OR7E24: variants seen among roughly 807,000 people sequenced by gnomAD.
OR7E24 encodes olfactory receptor family 7 subfamily E member 24.
For missense variants in OR7E24, 385 were observed against 410.3 expected, an observed-to-expected ratio of 0.94 and a Z score of 0.53; for synonymous variants, 130 against 157.5, an observed-to-expected ratio of 0.83 and a Z score of 1.31.
Position 9,251,301 on chromosome 19 carries a change from G to A in OR7E24, c.258G>A (p.Leu86=). ...ACTTCTTCCTCTCCAACCTGTCCTTGGCTGACATCGGTTTCACCTCCACCA... is the reference window on the plus strand; with the variant it reads ...ACTTCTTCCTCTCCAACCTGTCCTTAGCTGACATCGGTTTCACCTCCACCA... ...PMYFFLSNLS[L]ADIGFTSTTV... Residue 86 remains leucine, a synonymous_variant, in exon 1 of 1, where the codon TTG becomes TTA. Transcript: ENST00000456448. 1 of 1,613,988 alleles carries A rather than the reference G, an allele frequency of 6.2e-7. No individual in the cohort carries two copies. Among genetic ancestry groups the A allele is most frequent in the Non-Finnish European group, 8.5e-7 (1 of 1,180,008 alleles).
the OR7E24 span, among the ~76,000 whole-genome samples, chr19:9,215,672 C>T: frequency 1.3e-5 from 2 of 152,124 alleles, no homozygotes; most frequent in Non-Finnish European, 2.9e-5. Context: ...TTTAAAAATG[C>T]CATATGCACG....
chr19:9,224,601 A>C, the OR7E24 span, among the ~76,000 whole-genome samples: 1 of 151,864 alleles, frequency 6.6e-6, no homozygotes, highest in Non-Finnish European at 1.5e-5. Flanking sequence ...ACTAAAAAAT[A>C]AAAAATACAA....
chr19:9,232,495 G>A, the OR7E24 span, among the ~76,000 whole-genome samples: 267 of 136,430 alleles, frequency 2.0e-3, 1 homozygote, highest in African/African-American at 7.3e-3. Flanking sequence ...CCAAGATCGC[G>A]CCACTGCACT....
chr19:9,236,221 G>A, the OR7E24 span: 3 of 606,020 alleles, frequency 5.0e-6, no homozygotes, highest in Non-Finnish European at 8.7e-6. Flanking sequence ...TGCTTAAAAT[G>A]TTTTTGTATG....
chr19:9,230,046 A>ATTTTT, the OR7E24 span, among the ~76,000 whole-genome samples: 2 of 143,014 alleles, frequency 1.4e-5, no homozygotes, highest in African/African-American at 2.5e-5. Context: ...AAGTTCCTGT[A>ATTTTT]TTTTTTTTTT....
the OR7E24 span, chr19:9,209,449 C>T: frequency 1.3e-5 from 2 of 152,058 alleles, no homozygotes; most frequent in Non-Finnish European, 2.9e-5. Context: ...CATGGTGGCT[C>T]ATACCTGTAA....
the OR7E24 span, among the ~76,000 whole-genome samples, chr19:9,215,387 C>T: frequency 6.6e-6 from 1 of 151,038 alleles, no homozygotes; most frequent in Non-Finnish European, 1.5e-5. Flanking sequence ...CATTTACTCA[C>T]CAGTTTTAAT....
chr19:9,221,113 A>C, the OR7E24 span, among the ~76,000 whole-genome samples: 1 of 151,666 alleles, frequency 6.6e-6, no homozygotes, highest in African/African-American at 2.4e-5. Flanking sequence ...CCTACTAAAA[A>C]TACAAAAAAT....
At chr19:9,239,121 C>A in the OR7E24 span, among the ~76,000 whole-genome samples, 3 of 151,934 alleles carry the variant, frequency 2.0e-5, no homozygotes, top group Non-Finnish European at 4.4e-5. Flanking sequence ...ATATTCCAAC[C>A]AACAGTATGC....
At chr19:9,215,652 C>A in the OR7E24 span, among the ~76,000 whole-genome samples, 2 of 152,082 alleles carry the variant, frequency 1.3e-5, no homozygotes, top group African/African-American at 4.8e-5. Context: ...ATATTACTTT[C>A]TTATTGAGGT....
chr19:9,235,317 C>T, the OR7E24 span: 1 of 1,261,482 alleles, frequency 7.9e-7, no homozygotes, highest in Non-Finnish European at 1.2e-6. Flanking sequence ...TCCACAGCCC[C>T]ATGTAATTCT....
chr19:9,236,558 T>C, the OR7E24 span, among the ~76,000 whole-genome samples: 1 of 151,428 alleles, frequency 6.6e-6, no homozygotes, highest in Non-Finnish European at 1.5e-5. Flanking sequence ...CAAAAGTCAT[T>C]GCAGTTTTGC....
the OR7E24 span, among the ~76,000 whole-genome samples, chr19:9,232,453 A>T: frequency 6.8e-6 from 1 of 146,836 alleles, no homozygotes; most frequent in African/African-American, 2.6e-5. Context: ...CAGGAGAATC[A>T]CTTGAACCTG....
At chr19:9,244,630 T>C (rs975875347), upstream of OR7E24, among the ~76,000 whole-genome samples, 1 of 152,188 alleles carries the variant, frequency 6.6e-6, no homozygotes, top group African/African-American at 2.4e-5. Flanking sequence ...CTTCATGACA[T>C]TGGATTTGGT....
chr19:9,241,512 T>A, the OR7E24 span, among the ~76,000 whole-genome samples: 1 of 152,134 alleles, frequency 6.6e-6, no homozygotes, highest in East Asian at 1.9e-4. Context: ...ATGCTTGTAA[T>A]CCCAGCACTT....
At chr19:9,214,020 G>A in the OR7E24 span, 76 of 1,599,974 alleles carry the variant, frequency 4.8e-5, no homozygotes, top group Middle Eastern at 1.6e-4. Flanking sequence ...CACTGAGGCG[G>A]TGGAGCTGCT....
the OR7E24 span, among the ~76,000 whole-genome samples, chr19:9,238,562 G>A: frequency 6.6e-5 from 10 of 152,006 alleles, no homozygotes; most frequent in African/African-American, 1.2e-4. Flanking sequence ...TTATCTTTCC[G>A]TTTTTTGAAG....
the OR7E24 span, among the ~76,000 whole-genome samples, chr19:9,226,039 C>T: frequency 1.3e-5 from 2 of 152,224 alleles, no homozygotes; most frequent in Non-Finnish European, 2.9e-5. Context: ...CTTCCTGTGT[C>T]CACAATGACA....
the OR7E24 span, among the ~76,000 whole-genome samples, chr19:9,227,048 C>T: frequency 1.2e-4 from 19 of 152,112 alleles, no homozygotes; most frequent in Non-Finnish European, 1.3e-4. Flanking sequence ...CTCCTCCCAC[C>T]CTCCATCCTC....
Sources: gnomAD v4.1 joint callset for allele counts (sites outside exome capture counted in the v4.1 genomes callset) on GRCh38, gnomAD v4.1.1 for gene constraint, MANE v1.5 for transcripts, NCBI Gene and HGNC (gene_info 2026-07-23, HGNC 2026-07-21) for gene names.